The following SLC61A1 variants were observed in gnomAD, a reference collection of about 807,000 sequenced individuals.
The protein encoded by SLC61A1 is solute carrier family 61 member 1.
At chr12:53,252,977 G>A in the SLC61A1 span, 1 of 1,614,182 alleles carries the variant, frequency 6.2e-7, no homozygotes, top group Non-Finnish European at 8.5e-7. Context: ...CTTCTATCAG[G>A]TCTACTTCCT....
At chr12:53,252,128 C>T in the SLC61A1 span, 3 of 1,441,328 alleles carry the variant, frequency 2.1e-6, no homozygotes, top group Admixed American at 2.9e-5. Flanking sequence ...CGGCCAGAGG[C>T]CTGCCCGGCT....
At chr12:53,253,455 C>T in the SLC61A1 span, 10 of 1,614,052 alleles carry the variant, frequency 6.2e-6, no homozygotes, top group Non-Finnish European at 8.5e-6. Flanking sequence ...TTTGTGGCTG[C>T]CATCCCTCTC....
chr12:53,253,314 A>G, the SLC61A1 span: 6 of 1,614,150 alleles, frequency 3.7e-6, no homozygotes, highest in Non-Finnish European at 5.1e-6. Context: ...GTGGAACGGC[A>G]TGACTTCCCT....
chr12:53,253,679 G>A, the SLC61A1 span: 1 of 1,614,020 alleles, frequency 6.2e-7, no homozygotes, highest in Non-Finnish European at 8.5e-7. Flanking sequence ...GGCCCCTCTG[G>A]GCATTATCTT....
the SLC61A1 span, chr12:53,253,581 T>G: frequency 1.4e-5 from 22 of 1,613,884 alleles, no homozygotes; most frequent in Non-Finnish European, 1.7e-5. Context: ...GACCGCCGCG[T>G]GCTGCTGTTG....
chr12:53,252,204 G>C, the SLC61A1 span: 20 of 1,416,872 alleles, frequency 1.4e-5, no homozygotes, highest in Non-Finnish European at 1.6e-5. Context: ...AGCCACAGCG[G>C]GGAGGGTGGC....
the SLC61A1 span, chr12:53,252,928 G>A: frequency 1.9e-6 from 3 of 1,614,152 alleles, no homozygotes; most frequent in South Asian, 3.3e-5. Context: ...CCCCTGGAAG[G>A]GCCTGCAGCA....
At chr12:53,252,087 C>A in the SLC61A1 span, 4 of 1,460,516 alleles carry the variant, frequency 2.7e-6, no homozygotes, top group Non-Finnish European at 3.6e-6. Flanking sequence ...TGGCGCCGCG[C>A]CCCCGTCACG....
the SLC61A1 span, chr12:53,252,396 C>A: frequency 7.7e-7 from 1 of 1,296,668 alleles, no homozygotes. Flanking sequence ...CCTGAAGCAA[C>A]TCGAGAGGCC....
At chr12:53,252,883 C>T in the SLC61A1 span, 1 of 1,614,060 alleles carries the variant, frequency 6.2e-7, no homozygotes. Flanking sequence ...TGGCCTCCTG[C>T]CTGGGGCTGG....
At chr12:53,252,220 G>A in the SLC61A1 span, 1 of 1,414,212 alleles carries the variant, frequency 7.1e-7, no homozygotes, top group South Asian at 1.6e-5. Flanking sequence ...GTGGCCTGGC[G>A]GCCTGGAGCC....
At chr12:53,251,373 C>A in the SLC61A1 span, 1 of 227,488 alleles carries the variant, frequency 4.4e-6, no homozygotes, top group Non-Finnish European at 8.7e-6. Context: ...CGGCTTTTAC[C>A]CTTAGTGAGA....
chr12:53,253,796 A>G, the SLC61A1 span: 8 of 1,614,162 alleles, frequency 5.0e-6, no homozygotes, highest in Non-Finnish European at 6.8e-6. Context: ...TGCTGTGCTC[A>G]TCGTCGTCTT....
At chr12:53,252,106 C>G in the SLC61A1 span, 1 of 1,449,730 alleles carries the variant, frequency 6.9e-7, no homozygotes, top group South Asian at 1.4e-5. Context: ...CGTGATGAAG[C>G]CATCATGGCG....
chr12:53,253,651 T>G, the SLC61A1 span: 10 of 1,614,116 alleles, frequency 6.2e-6, no homozygotes, highest in Non-Finnish European at 8.5e-6. Context: ...TCTGGACACC[T>G]GTGCTGGACC....
At chr12:53,253,479 G>A in the SLC61A1 span, 4 of 1,613,982 alleles carry the variant, frequency 2.5e-6, no homozygotes, top group South Asian at 2.2e-5. Flanking sequence ...GCTCTGGCAG[G>A]GGCCTTGGCC....
the SLC61A1 span, chr12:53,254,259 T>C: frequency 1.3e-6 from 2 of 1,524,822 alleles, no homozygotes; most frequent in Non-Finnish European, 1.8e-6. Flanking sequence ...CAGATCTCTC[T>C]GTGACTGACT....
the SLC61A1 span, chr12:53,252,135 G>A: frequency 6.9e-7 from 1 of 1,439,756 alleles, no homozygotes; most frequent in South Asian, 1.5e-5. Flanking sequence ...AGGCCTGCCC[G>A]GCTCCCGGAA....
the SLC61A1 span, chr12:53,251,976 G>C: frequency 2.1e-6 from 3 of 1,440,268 alleles, no homozygotes; most frequent in East Asian, 6.4e-5. Flanking sequence ...AGAAGCAACC[G>C]CAGCCTCCTA....
Sources: allele counts gnomAD v4.1 joint callset, GRCh38; gene constraint gnomAD v4.1.1; transcripts MANE v1.5; gene names NCBI Gene and HGNC (gene_info 2026-07-23, HGNC 2026-07-21).